KLF8: variants seen among roughly 807,000 people sequenced by gnomAD.
KLF8 encodes Krueppel-like factor 8.
KLF8 carries 10 observed loss-of-function variants against 18.2 expected under a neutral mutation model. The ratio of observed to expected loss-of-function variants is 0.55; its 90% CI spans 0.34 to 0.93. The LOEUF is 0.93. Among genes scored for constraint, KLF8 ranks in the 40% least tolerant of loss-of-function variants. The pLI is 0.02. For synonymous variants in KLF8, 109 were observed against 97.3 expected (o/e 1.12, Z -0.71); for missense variants, 264 against 277.9 (o/e 0.95, Z 0.36).
chrX:56,149,960 T>C, the KLF8 span, among the ~76,000 whole-genome samples: 1 of 111,806 alleles, frequency 8.9e-6, no homozygotes. Context: ...TTTTAAATGC[T>C]GAGTACTTCA....
chrX:56,173,696 G>T, the KLF8 span, among the ~76,000 whole-genome samples: 2 of 111,663 alleles, frequency 1.8e-5, no homozygotes, highest in Non-Finnish European at 3.8e-5. Flanking sequence ...GGGCATTATG[G>T]CCATTTTAAT....
chrX:56,035,922 G>A, the KLF8 span, among the ~76,000 whole-genome samples: 2 of 111,043 alleles, frequency 1.8e-5, no homozygotes, highest in Admixed American at 1.9e-4. Flanking sequence ...TAATGTAGAT[G>A]GTATTTTCAC....
At chrX:55,979,999 A>AG in the KLF8 span, among the ~76,000 whole-genome samples, 1 of 112,107 alleles carries the variant, frequency 8.9e-6, no homozygotes, top group African/African-American at 3.2e-5. Flanking sequence ...GAGCTTGAAC[A>AG]GGGCCAAGGC....
the KLF8 span, among the ~76,000 whole-genome samples, chrX:56,006,911 G>C: frequency 8.9e-6 from 1 of 111,962 alleles, no homozygotes; most frequent in Non-Finnish European, 1.9e-5. Flanking sequence ...CCGGATAGCA[G>C]ATAGTGTGCT....
the KLF8 span, among the ~76,000 whole-genome samples, chrX:56,137,308 A>C: frequency 9.2e-6 from 1 of 108,806 alleles, no homozygotes; most frequent in African/African-American, 3.4e-5. Flanking sequence ...ATGCACACGT[A>C]TGTTTATTGT....
chrX:56,032,729 A>G, the KLF8 span, among the ~76,000 whole-genome samples: 1 of 112,253 alleles, frequency 8.9e-6, no homozygotes, highest in African/African-American at 3.2e-5. Context: ...CCATTTATCT[A>G]TAGATGGACA....
In KLF8 at chrX:56,265,180, G is replaced by T. The variant is rs1398077363; in HGVS notation, c.82G>T (p.Val28Phe). Residue 28 changes from valine (V) to phenylalanine (F), a missense_variant and splice_region_variant, in exon 3 of 6, where the codon GTC (valine) becomes TTC (phenylalanine). Coordinates refer to ENST00000468660, the MANE Select transcript of KLF8 (RefSeq NM_007250.5). Reference protein sequence around the residue: ...EGGSMQVFKQVTASVRNRDPP... With the variant: ...EGGSMQVFKQFTASVRNRDPP... ...TCTCTCATTTGTTTATTTATTTAAG[G>T]TCACTGCTTCTGTTCGGAACAGAGA... 4 of 1,183,608 alleles carry T rather than the reference G, an allele frequency of 3.4e-6. No homozygotes were observed. The highest frequency in any genetic ancestry group is 4.6e-6 in the Non-Finnish European group (4 of 876,030).
At chrX:56,186,207 A>G in the KLF8 span, among the ~76,000 whole-genome samples, 2 of 111,526 alleles carry the variant, frequency 1.8e-5, no homozygotes, top group African/African-American at 6.5e-5. Context: ...GAAAACAGAA[A>G]AAGGCAGGGG....
chrX:56,174,886 A>G, the KLF8 span, among the ~76,000 whole-genome samples: 1 of 111,705 alleles, frequency 9.0e-6, no homozygotes, highest in Non-Finnish European at 1.9e-5. Flanking sequence ...ATTTGCATAG[A>G]TGTGTTTATA....
chrX:56,265,389 TC>T lies in KLF8; in HGVS notation c.292del (p.Leu98SerfsTer32). ...TCTCCTTTCACAAGCCCAAGGCTCC[TC>T]TCCAGCCTGCTAGCATGCTACAAGC... ...DLSFHKPKAP[L>X]QPASMLQAPI... On this transcript the variant is annotated frameshift_variant, in exon 3 of 6. Transcript: ENST00000468660. LOFTEE classifies it high-confidence loss of function. 1 of 1,210,947 alleles carries T rather than the reference TC, an allele frequency of 8.3e-7. No homozygotes were observed. Among genetic ancestry groups the T allele is most frequent in the Non-Finnish European group, 1.1e-6 (1 of 895,201 alleles).
chrX:56,095,004 G>T, the KLF8 span, among the ~76,000 whole-genome samples: 1 of 110,939 alleles, frequency 9.0e-6, no homozygotes, highest in Admixed American at 9.6e-5. Context: ...AAAAACAATT[G>T]AAAAGTTCCA....
At chrX:56,148,210 G>C in the KLF8 span, among the ~76,000 whole-genome samples, 129 of 111,377 alleles carry the variant, frequency 1.2e-3, 1 homozygote, top group Middle Eastern at 4.6e-3. Context: ...GGAATTCAAA[G>C]AATTAAAAGA....
At chrX:56,017,726 T>A in the KLF8 span, among the ~76,000 whole-genome samples, 1 of 111,606 alleles carries the variant, frequency 9.0e-6, no homozygotes, top group African/African-American at 3.3e-5. Context: ...TATTTAGTTC[T>A]CTTTTTAGTT....
chrX:56,153,440 C>T, the KLF8 span, among the ~76,000 whole-genome samples: 3 of 111,399 alleles, frequency 2.7e-5, no homozygotes, highest in African/African-American at 9.8e-5. Context: ...GATTCTCATA[C>T]ATGTCTCTGC....
the KLF8 span, among the ~76,000 whole-genome samples, chrX:55,938,082 C>T: frequency 9.0e-6 from 1 of 111,186 alleles, no homozygotes; most frequent in Non-Finnish European, 1.9e-5. Flanking sequence ...TCAGATTCAC[C>T]AAAGTTGAAA....
chrX:56,129,324 G>A, the KLF8 span, among the ~76,000 whole-genome samples: 1 of 111,783 alleles, frequency 8.9e-6, no homozygotes, highest in Non-Finnish European at 1.9e-5. Context: ...GCAGGACCCG[G>A]GAGATAGCCC....
chrX:56,267,235 G>A, intron 3 of KLF8: 1 of 745,180 alleles, frequency 1.3e-6, no homozygotes, highest in Non-Finnish European at 1.6e-6. Context: ...GTCTGTATTA[G>A]TTCGTTTTCA....
the KLF8 span, among the ~76,000 whole-genome samples, chrX:55,963,765 A>C: frequency 8.9e-6 from 1 of 111,824 alleles, no homozygotes; most frequent in Non-Finnish European, 1.9e-5. Flanking sequence ...ATACCTGTTC[A>C]AATGTACCTA....
At chrX:56,224,008 C>A in the KLF8 span, among the ~76,000 whole-genome samples, 2 of 110,825 alleles carry the variant, frequency 1.8e-5, no homozygotes, top group East Asian at 5.6e-4. Flanking sequence ...TGGGCTCAAG[C>A]TATCCTCCTG....
Sources: gnomAD v4.1 joint callset for allele counts (sites outside exome capture counted in the v4.1 genomes callset) on GRCh38, gnomAD v4.1.1 for gene constraint, MANE v1.5 for transcripts, NCBI Gene and HGNC (gene_info 2026-07-23, HGNC 2026-07-21) for gene names.